Variants in USP13 observed in about 807,000 individuals in gnomAD.
USP13 encodes ubiquitin carboxyl-terminal hydrolase 13.
USP13 carries 68 observed loss-of-function variants against 107.8 expected under a neutral mutation model. That is an observed-to-expected ratio of 0.63 (90% confidence interval 0.52 to 0.77). USP13 has a LOEUF of 0.77. Among genes scored for constraint, USP13 ranks in the 30% least tolerant of loss-of-function variants. The pLI is 0.00. For missense variants in USP13, 945 were observed against 1,093.3 expected (o/e 0.86, Z 1.91); for synonymous variants, 377 against 389.5 (o/e 0.97, Z 0.38).
intron 15 of USP13, among the ~76,000 whole-genome samples, chr3:179,756,494 A>T (rs1181669763): frequency 2.6e-5 from 4 of 152,228 alleles, no homozygotes; most frequent in Non-Finnish European, 5.9e-5. Flanking sequence ...CTGTAATCCC[A>T]GCCCTTTGGG....
intron 2 of USP13, among the ~76,000 whole-genome samples, chr3:179,682,532 A>C (rs1428237717): frequency 6.6e-6 from 1 of 152,216 alleles, no homozygotes; most frequent in Non-Finnish European, 1.5e-5. Flanking sequence ...TATATGTTTT[A>C]AAGATGTAGA....
chr3:179,673,102 C>T (rs751267444), intron 1 of USP13, among the ~76,000 whole-genome samples: 7 of 152,160 alleles, frequency 4.6e-5, no homozygotes, highest in Non-Finnish European at 1.0e-4. Context: ...TTCAGCCAAA[C>T]AAACCTGAAA....
At chr3:179,722,904 T>A (rs544001938) in intron 8 of USP13, among the ~76,000 whole-genome samples, 156 of 152,282 alleles carry the variant, frequency 1.0e-3, no homozygotes, top group African/African-American at 3.7e-3. Context: ...GCCTTCCTCC[T>A]CCTACACCGA....
Position 179,708,770 on chromosome 3 carries a change from C to T in USP13, c.621-3C>T. The T allele has an allele frequency of 6.2e-7, 1 of 1,613,864 alleles. No individual in the cohort carries two copies. Among genetic ancestry groups the T allele is most frequent in the Non-Finnish European group, 8.5e-7 (1 of 1,179,918 alleles). The stretch of plus-strand genomic sequence containing the variant: ...TTCTGACTACTCTCCAATGGCTTTC[C>T]AGTGGTTGGAAGTGTGCCAGATGCG... On this transcript the variant is annotated splice_polypyrimidine_tract_variant and splice_region_variant and intron_variant, in intron 5 of 20. Transcript: ENST00000263966.
intron 6 of USP13, 62 bp downstream of exon 6, chr3:179,709,019 C>G: frequency 6.4e-7 from 1 of 1,550,478 alleles, no homozygotes; most frequent in Non-Finnish European, 8.7e-7. Flanking sequence ...TTAACCAATC[C>G]CTGAATCCAG....
chr3:179,724,912 T>A (rs1227006191), intron 8 of USP13, among the ~76,000 whole-genome samples: 1 of 152,224 alleles, frequency 6.6e-6, no homozygotes, highest in African/African-American at 2.4e-5. Context: ...CAAAGTGAAC[T>A]TTTCTGACAT....
chr3:179,751,255 A>G (rs530734776), intron 13 of USP13, among the ~76,000 whole-genome samples: 1 of 152,326 alleles, frequency 6.6e-6, no homozygotes, highest in South Asian at 2.1e-4. Context: ...TGCCCAGGAA[A>G]TTGAGCCTTT....
chr3:179,729,900 G>A (rs746672567), intron 8 of USP13, among the ~76,000 whole-genome samples: 5 of 152,192 alleles, frequency 3.3e-5, no homozygotes, highest in African/African-American at 7.2e-5. Flanking sequence ...TCAGTCTCAC[G>A]CAATGAAATT....
intron 2 of USP13, among the ~76,000 whole-genome samples, chr3:179,685,777 C>CT (rs1356013365): frequency 1.3e-5 from 2 of 152,184 alleles, no homozygotes; most frequent in Non-Finnish European, 2.9e-5. Context: ...GTTTCACTCT[C>CT]TGACCAAAAT....
intron 19 of USP13, among the ~76,000 whole-genome samples, chr3:179,770,778 T>C (rs1319354734): frequency 6.6e-6 from 1 of 152,088 alleles, no homozygotes; most frequent in Non-Finnish European, 1.5e-5. Context: ...CTAATTTTTA[T>C]ACTGTTTTTA....
chr3:179,720,127 C>T, intron 7 of USP13, 93 bp downstream of exon 7: 2 of 854,652 alleles, frequency 2.3e-6, no homozygotes, highest in Non-Finnish European at 3.5e-6. Flanking sequence ...TATATAATTC[C>T]TCTAACGTGG....
chr3:179,743,984 T>C (rs1424545115), intron 12 of USP13, among the ~76,000 whole-genome samples: 2 of 142,322 alleles, frequency 1.4e-5, no homozygotes, highest in African/African-American at 2.6e-5. Flanking sequence ...GCCATTCAAA[T>C]TGACATAAAA....
intron 1 of USP13, among the ~76,000 whole-genome samples, chr3:179,660,848 C>T (rs1393731746): frequency 6.6e-6 from 1 of 152,202 alleles, no homozygotes; most frequent in East Asian, 1.9e-4. Context: ...TTATTAGTTT[C>T]ACATGTCAAA....
In USP13 at chr3:179,721,029, G is replaced by A. The variant is rs928344637; in HGVS notation, c.901-373G>A. On this transcript the variant is annotated intron_variant, in intron 7 of 20. Transcript: ENST00000263966. The surrounding 1 kb of genome is among the most constrained non-coding windows in gnomAD (Gnocchi z 4.3). ...TTGCTATGTTGCTCAGGTGGGTCTC[G>A]AACTCCTGACTTCAGGTGATCTGCC... is the stretch of plus-strand genomic sequence containing the variant. 6.6e-6 allele frequency among the ~76,000 whole-genome samples: 1 copy of A among 151,988 alleles called. No homozygotes were observed. The highest frequency in any genetic ancestry group is 2.4e-5 in the African/African-American group (1 of 41,350).
At chr3:179,744,370 T>C (rs1377693994) in intron 12 of USP13, among the ~76,000 whole-genome samples, 1 of 152,158 alleles carries the variant, frequency 6.6e-6, no homozygotes, top group Non-Finnish European at 1.5e-5. Context: ...GTTTTGTTTT[T>C]TTCTGCCTTT....
Position 179,670,664 on chromosome 3 carries a change from G to A in USP13, c.169-11214G>A, listed in dbSNP as rs575905081. ...ATTAATATCAAATTATTGGCCGGGC[G>A]CAGTGGCTCATGCCTGTAATCCAGC... is the stretch of plus-strand genomic sequence containing the variant. On this transcript the variant is annotated intron_variant, in intron 1 of 20. Coordinates refer to ENST00000263966, the MANE Select transcript of USP13 (RefSeq NM_003940.3). Among the ~76,000 whole-genome samples the A allele has an allele frequency of 1.1e-4, 17 of 151,776 alleles. No homozygotes were observed. In the East Asian group the frequency reaches 1.6e-3, roughly 14 times the overall value.
intron 1 of USP13, among the ~76,000 whole-genome samples, chr3:179,668,455 A>T (rs574666963): frequency 7.2e-5 from 11 of 152,220 alleles, no homozygotes; most frequent in Non-Finnish European, 1.5e-4. Flanking sequence ...TCTGCTGTTG[A>T]AACCAAGATT....
chr3:179,656,827 C>CTTTGTG (rs1383130572), intron 1 of USP13, among the ~76,000 whole-genome samples: 1 of 152,122 alleles, frequency 6.6e-6, no homozygotes, highest in Non-Finnish European at 1.5e-5. Context: ...AGAGTGGGGA[C>CTTTGTG]TTTGTGTTAT....
At chr3:179,763,651 A>G (rs1715076913) in intron 17 of USP13, among the ~76,000 whole-genome samples, 1 of 152,050 alleles carries the variant, frequency 6.6e-6, no homozygotes, top group South Asian at 2.1e-4. Context: ...CAGTGGTGCA[A>G]TCTCAGCTCA....
Sources: allele counts gnomAD v4.1 joint callset (sites outside exome capture counted in the v4.1 genomes callset), GRCh38; gene constraint gnomAD v4.1.1; non-coding constraint Gnocchi (gnomAD v3.1); transcripts MANE v1.5; gene names NCBI Gene and HGNC (gene_info 2026-07-23, HGNC 2026-07-21).